The following GC variants were observed in gnomAD, a reference collection of about 807,000 sequenced individuals.
GC encodes vitamin D-binding protein.
A neutral mutation model predicts 56.7 loss-of-function variants in GC; 43 were observed. The observed-to-expected ratio is 0.76, with a 90% CI of 0.59 to 0.98. The LOEUF (loss-of-function observed/expected upper bound fraction) is 0.98, where lower values mean the gene tolerates loss of function less well. GC is among the 50% of genes least tolerant of loss of function. GC has a pLI of 0.00. For missense variants in GC, 529 were observed against 545.9 expected (o/e 0.97, Z 0.31); for synonymous variants, 216 against 202.7 (o/e 1.07, Z -0.56).
At chr4:71,787,402 T>C (rs1321204810), upstream of GC, among the ~76,000 whole-genome samples, 1 of 151,926 alleles carries the variant, frequency 6.6e-6, no homozygotes, top group Non-Finnish European at 1.5e-5. Flanking sequence ...CTTCCCTTAC[T>C]CTATTTTACG....
At chr4:71,774,933 C>A (rs564576662) in intron 1 of GC, among the ~76,000 whole-genome samples, 1 of 151,394 alleles carries the variant, frequency 6.6e-6, no homozygotes, top group African/African-American at 2.4e-5. Context: ...TTTATGGTAT[C>A]GAAAGATTCA....
Position 71,778,041 on chromosome 4 carries a change from T to A in GC, c.58+5920A>T, listed in dbSNP as rs555658266. 5.1e-3 allele frequency among the ~76,000 whole-genome samples: 766 copies of A among 151,004 alleles called. 7 individuals are homozygous for A. The highest frequency in any genetic ancestry group is 0.018 in the African/African-American group (721 of 41,132). On this transcript the variant is annotated intron_variant, in intron 1 of 12. Coordinates refer to ENST00000273951, the MANE Select transcript of GC (RefSeq NM_000583.4). ...CCAGAACTTAAAGTTTATATATATATAAAAAAAAACAAAATAAAACCCACA... is the reference window on the plus strand; with the variant it reads ...CCAGAACTTAAAGTTTATATATATAAAAAAAAAAACAAAATAAAACCCACA...
At chr4:71,757,145 AT>A (rs1741804561) in intron 7 of GC, among the ~76,000 whole-genome samples, 1 of 152,218 alleles carries the variant, frequency 6.6e-6, no homozygotes, top group Admixed American at 6.5e-5. Flanking sequence ...ATAATTGTAG[AT>A]AAAACGACAA....
intron 11 of GC, among the ~76,000 whole-genome samples, chr4:71,749,201 G>A (rs772710688): frequency 3.3e-5 from 5 of 152,188 alleles, no homozygotes; most frequent in African/African-American, 9.6e-5. Flanking sequence ...TCCATTCATC[G>A]CACTCTACTT....
At position 71,780,238 on chromosome 4, in the gene GC, A is replaced by G. The variant is rs753090197; in HGVS notation, c.58+3723T>C. 5.3e-5 allele frequency among the ~76,000 whole-genome samples: 8 copies of G among 152,254 alleles called. No individual in the cohort carries two copies. In the Middle Eastern group the frequency reaches 0.017, roughly 324 times the overall value. ...CACCTTATACAAAAATTAATTCAAG[A>G]TGGATTAAAGGCTTAAATGTTAGAC... On this transcript the variant is annotated intron_variant, in intron 1 of 12. Coordinates refer to ENST00000273951, the MANE Select transcript of GC (RefSeq NM_000583.4).
At chr4:71,785,243 G>A (rs1240748383), upstream of GC, among the ~76,000 whole-genome samples, 1 of 151,700 alleles carries the variant, frequency 6.6e-6, no homozygotes, top group Non-Finnish European at 1.5e-5. Flanking sequence ...ATGGATTAAT[G>A]TCACCTATTA....
rs780108021 is a variant in GC at position 71,763,411 on chromosome 4, A to G, written c.698T>C (p.Leu233Pro). The change falls in exon 6 of 13, where the codon CTC becomes CCC. Residue 233 changes from leucine (L) to proline (P), a missense_variant. Leu to Pro is a moderately conservative substitution (Grantham distance 98). Coordinates refer to ENST00000273951, the MANE Select transcript of GC (RefSeq NM_000583.4). ...YAAYGEKKSR[L>P]SNLIKLAQKV... ...GACAATAGCACTTAATCTTTACCTG[A>G]GCCTTGATTTCTTCTCCCCATAAGC... The G allele has an allele frequency of 4.5e-6, 7 of 1,542,024 alleles. No homozygotes were observed. In the Admixed American group the frequency reaches 1.0e-4, roughly 22 times the overall value.
At chr4:71,783,921 TA>T in intron 1 of GC, 39 bp downstream of exon 1, 1 of 1,476,664 alleles carries the variant, frequency 6.8e-7, no homozygotes. Flanking sequence ...ATTAAACTAG[TA>T]AGAATTCCTG....
intron 1 of GC, among the ~76,000 whole-genome samples, chr4:71,794,450 G>A (rs189507887): frequency 6.6e-6 from 1 of 152,272 alleles, no homozygotes; most frequent in Admixed American, 6.5e-5. Context: ...GCATAGAGGT[G>A]TTTATAGTAT....
At chr4:71,783,910 A>G in intron 1 of GC, 51 bp downstream of exon 1, 1 of 1,377,474 alleles carries the variant, frequency 7.3e-7, no homozygotes, top group South Asian at 1.4e-5. Context: ...GATAATATAA[A>G]ATTAAACTAG....
At chr4:71,745,778 T>G (rs750928943) in intron 12 of GC, among the ~76,000 whole-genome samples, 2 of 152,190 alleles carry the variant, frequency 1.3e-5, no homozygotes, top group Non-Finnish European at 2.9e-5. Flanking sequence ...CCTTTCCTCC[T>G]AAGGTCCTTG....
At chr4:71,765,105 T>C (rs1742114392) in intron 4 of GC, among the ~76,000 whole-genome samples, 1 of 152,196 alleles carries the variant, frequency 6.6e-6, no homozygotes, top group East Asian at 1.9e-4. Flanking sequence ...TCATATGACA[T>C]ACGCAATGAT....
intron 5 of GC, 128 bp from the exon 6 acceptor site, chr4:71,763,630 A>G: frequency 1.3e-6 from 1 of 748,402 alleles, no homozygotes. Flanking sequence ...GGTGAAAGGA[A>G]CTTATTGATA....
intron 1 of GC, among the ~76,000 whole-genome samples, chr4:71,796,729 TGGA>T (rs1292560594): frequency 2.0e-5 from 3 of 152,342 alleles, no homozygotes; most frequent in African/African-American, 7.2e-5. Flanking sequence ...TGCAATCCTT[TGGA>T]GGAGAAGAGG....
At chr4:71,769,802 A>G (rs1239873389) in intron 1 of GC, among the ~76,000 whole-genome samples, 1 of 151,908 alleles carries the variant, frequency 6.6e-6, no homozygotes, top group Non-Finnish European at 1.5e-5. Context: ...TTAATGTCTC[A>G]GTTTTACCTA....
chr4:71,752,519 T>G lies in GC; in HGVS notation c.1394A>C (p.Glu465Ala). 6.2e-7 allele frequency: 1 copy of G among 1,610,832 alleles called. No individual in the cohort carries two copies. Among genetic ancestry groups the G allele is most frequent in the Non-Finnish European group, 8.5e-7 (1 of 1,178,774 alleles). Residue 465 changes from glutamate (E) to alanine (A), a missense_variant and splice_region_variant, in exon 11 of 13, where the codon GAG (glutamate) becomes GCG (alanine). Physicochemically the swap from Glu to Ala is moderately radical, Grantham distance 107 (BLOSUM62 -1). Transcript: ENST00000273951. ...AAGTGGAGGGTTACATTTTCCTACCTCTGAATCACAGTAAAGAGGAGGTGA... is the reference window on the plus strand; with the variant it reads ...AAGTGGAGGGTTACATTTTCCTACCGCTGAATCACAGTAAAGAGGAGGTGA... ...INSPPLYCDS[E>A]IDAELKNIL
chr4:71,785,214 A>G (rs1742805075), upstream of GC, among the ~76,000 whole-genome samples: 1 of 151,786 alleles, frequency 6.6e-6, no homozygotes, highest in Admixed American at 6.6e-5. Flanking sequence ...GCTCATGGTA[A>G]CATCCATCAC....
intron 1 of GC, among the ~76,000 whole-genome samples, chr4:71,777,405 G>A (rs1344572053): frequency 6.6e-6 from 1 of 151,208 alleles, no homozygotes; most frequent in Admixed American, 6.6e-5. Flanking sequence ...AATTAATAAT[G>A]AGCTTTGCAG....
intron 1 of GC, among the ~76,000 whole-genome samples, chr4:71,776,775 A>C (rs1204721531): frequency 1.3e-5 from 2 of 151,936 alleles, no homozygotes; most frequent in Non-Finnish European, 2.9e-5. Context: ...ATAATTTGCC[A>C]ATTAAAAAAC....
Sources: allele counts gnomAD v4.1 joint callset (sites outside exome capture counted in the v4.1 genomes callset), GRCh38; gene constraint gnomAD v4.1.1; transcripts MANE v1.5; gene names NCBI Gene and HGNC (gene_info 2026-07-23, HGNC 2026-07-21).